The following ADGRG2 variants were observed in gnomAD, a reference collection of about 807,000 sequenced individuals.
ADGRG2 encodes the protein G protein-coupled receptor 64.
A neutral mutation model predicts 74.1 loss-of-function variants in ADGRG2; 26 were observed. The observed-to-expected ratio is 0.35, with a 90% CI of 0.26 to 0.49. ADGRG2 has a LOEUF of 0.49. Among genes scored for constraint, ADGRG2 ranks in the 20% least tolerant of loss-of-function variants. The probability of loss-of-function intolerance (pLI) is 0.99; values close to 1 mark genes in which losing one functional copy is unlikely to be tolerated. For missense variants in ADGRG2, 619 were observed against 763.1 expected, an observed-to-expected ratio of 0.81 and a Z score of 2.22; for synonymous variants, 296 against 295.2, an observed-to-expected ratio of 1.00 and a Z score of -0.03.
intron 2 of ADGRG2, among the ~76,000 whole-genome samples, chrX:19,075,521 G>A (rs1321804881): frequency 2.8e-5 from 3 of 107,112 alleles, no homozygotes. Context: ...TGGAGGCTGA[G>A]GCAGGAGAAT....
intron 1 of ADGRG2, among the ~76,000 whole-genome samples, chrX:19,089,900 C>A (rs2061989818): frequency 8.9e-6 from 1 of 111,986 alleles, no homozygotes; most frequent in African/African-American, 3.2e-5. Flanking sequence ...ATGGTTGTTG[C>A]TTTAAGCTGC....
rs769504730 is a variant in ADGRG2, at chrX:19,103,922, G to T, written c.-47+18520C>A. On this transcript the variant is annotated intron_variant, in intron 1 of 28. Transcript: ENST00000379869. ...AAATACAAGGTCTTGAGGGGAAAAG[G>T]CTGGGTCCTATCACACGTCTGAACA... is the stretch of plus-strand genomic sequence containing the variant. 1.1e-4 allele frequency among the ~76,000 whole-genome samples: 12 copies of T among 111,412 alleles called. 1 individual carries two copies. In the Admixed American group the frequency reaches 1.2e-3, roughly 11 times the overall value.
At chrX:19,009,179 TC>T in intron 18 of ADGRG2, among the ~76,000 whole-genome samples, 1 of 107,297 alleles carries the variant, frequency 9.3e-6, no homozygotes, top group Admixed American at 1.0e-4. Context: ...AAGACCAACG[TC>T]TTTTTTTTTT....
intron 13 of ADGRG2, among the ~76,000 whole-genome samples, chrX:19,021,677 G>A (rs946122126): frequency 1.8e-5 from 2 of 110,241 alleles, no homozygotes; most frequent in African/African-American, 3.3e-5. Context: ...ATGGAGTCTC[G>A]CTCTCTTGCC....
chrX:19,113,730 A>T (rs188012478), intron 1 of ADGRG2, among the ~76,000 whole-genome samples: 4,839 of 111,536 alleles, frequency 0.043, 242 homozygotes, highest in African/African-American at 0.15. Context: ...TGTACTTTTT[A>T]AAAAAAATGT....
At chrX:19,106,112 T>C (rs1037565173) in intron 1 of ADGRG2, among the ~76,000 whole-genome samples, 6 of 109,054 alleles carry the variant, frequency 5.5e-5, no homozygotes, top group Non-Finnish European at 9.5e-5. Flanking sequence ...GCAATGGGAG[T>C]TTAGTCCTTC....
chrX:18,996,142 T>C lies in ADGRG2; in HGVS notation c.2625A>G (p.Ile875Met). The C allele has an allele frequency of 9.0e-7, 1 of 1,105,872 alleles. No individual in the cohort carries two copies. Among genetic ancestry groups the C allele is most frequent in the East Asian group, 3.0e-5 (1 of 33,265 alleles). 91.1% of individuals were successfully genotyped at this position (1,105,872 alleles called of 1,213,427 possible). The stretch of plus-strand genomic sequence containing the variant: ...CTTTGGCCACACAGTAAAAGATGAA[T>C]ATGAAAAATCCTAAGGAGGGAAAAA... ...AIFNTLQGFFIFIFYCVAKEN... is the reference protein window; with the variant it reads ...AIFNTLQGFFMFIFYCVAKEN... The change falls in exon 27 of 29, where the codon ATA becomes ATG. Residue 875 changes from isoleucine (I) to methionine (M), a missense_variant. This residue lies in a region of ADGRG2 where 221 missense variants were observed against 340.6 expected (regional missense o/e 0.65). Transcript: ENST00000379869.
chrX:19,085,863 C>T (rs759466255), intron 1 of ADGRG2, among the ~76,000 whole-genome samples: 7 of 111,101 alleles, frequency 6.3e-5, no homozygotes, highest in Admixed American at 1.9e-4. Context: ...GGGAATGGGA[C>T]GGAAAGCCAT....
At chrX:19,097,739 G>A (rs1018641314) in intron 1 of ADGRG2, among the ~76,000 whole-genome samples, 2 of 111,366 alleles carry the variant, frequency 1.8e-5, no homozygotes, top group Non-Finnish European at 3.8e-5. Flanking sequence ...GAGGGTGAGC[G>A]TACTCTGCTG....
At chrX:19,097,698 G>A (rs2062120981) in intron 1 of ADGRG2, among the ~76,000 whole-genome samples, 2 of 111,087 alleles carry the variant, frequency 1.8e-5, no homozygotes, top group Admixed American at 9.6e-5. Context: ...TCCCCACCCC[G>A]GCCCCGGTGG....
At chrX:18,993,202 T>A (rs767475158) in intron 28 of ADGRG2, among the ~76,000 whole-genome samples, 3 of 111,472 alleles carry the variant, frequency 2.7e-5, no homozygotes, top group Non-Finnish European at 5.7e-5. Flanking sequence ...CCTGGGACAG[T>A]TGGCAGTGTC....
At chrX:19,079,755 G>A (rs1003731776) in intron 2 of ADGRG2, among the ~76,000 whole-genome samples, 16 of 111,777 alleles carry the variant, frequency 1.4e-4, no homozygotes, top group African/African-American at 5.2e-4. Flanking sequence ...CTTAATAAGC[G>A]GTAAGTGCTT....
chrX:19,031,367 T>G (rs1230731326), intron 8 of ADGRG2: 1 of 194,905 alleles, frequency 5.1e-6, no homozygotes, highest in Non-Finnish European at 9.4e-6. Flanking sequence ...AAGTAGAGAC[T>G]TTAAATGGAA....
At chrX:19,009,532 G>T in intron 18 of ADGRG2, 94 bp downstream of exon 18, 2 of 805,330 alleles carry the variant, frequency 2.5e-6, no homozygotes, top group South Asian at 2.1e-5. Flanking sequence ...TATCACCCCT[G>T]ACTATAAGCA....
chrX:19,046,742 A>G (rs968334171), intron 3 of ADGRG2, among the ~76,000 whole-genome samples: 3 of 111,898 alleles, frequency 2.7e-5, no homozygotes, highest in Admixed American at 9.5e-5. Context: ...CAGAGCCACA[A>G]GGCAGGAGTT....
rs1179437852 is a variant in ADGRG2 at position 18,989,569 on chromosome X, G to A, written c.*1295C>T. 9.0e-6 allele frequency: 1 copy of A among 111,671 alleles called. No individual in the cohort carries two copies. Among genetic ancestry groups the A allele is most frequent in the African/African-American group, 3.3e-5 (1 of 30,669 alleles). The allele number at this position is 111,671 out of a possible 1,213,427, so 9.2% of individuals were successfully genotyped here. A position where few individuals can be genotyped will look rare whatever the true frequency, so the allele number is the denominator to read the frequency against. On this transcript the variant is annotated 3_prime_UTR_variant, in exon 29 of 29. Coordinates refer to ENST00000379869, the MANE Select transcript of ADGRG2 (RefSeq NM_001079858.3). ...TACTTGAGGCACTGCTCAAGCAGATGTAGGTAGGAAGCAAGATAGACCCTG... is the reference window on the plus strand; with the variant it reads ...TACTTGAGGCACTGCTCAAGCAGATATAGGTAGGAAGCAAGATAGACCCTG...
At chrX:19,097,656 C>T (rs1234981214) in intron 1 of ADGRG2, among the ~76,000 whole-genome samples, 3 of 112,153 alleles carry the variant, frequency 2.7e-5, no homozygotes, top group Non-Finnish European at 3.8e-5. Flanking sequence ...TTCATTCTCT[C>T]GCAGCTGAGG....
At chrX:19,031,072 G>A in intron 8 of ADGRG2, 35 bp from the exon 9 acceptor site, 7 of 993,471 alleles carry the variant, frequency 7.0e-6, no homozygotes, top group Non-Finnish European at 8.6e-6. Flanking sequence ...GGTTAAGCAT[G>A]TCAATGCCCG....
intron 2 of ADGRG2, among the ~76,000 whole-genome samples, chrX:19,077,702 G>A (rs1301904874): frequency 9.0e-6 from 1 of 111,505 alleles, no homozygotes; most frequent in Non-Finnish European, 1.9e-5. Flanking sequence ...GATATGCTAT[G>A]CCCACACTAA....
Sources: gnomAD v4.1 joint callset for allele counts (sites outside exome capture counted in the v4.1 genomes callset) on GRCh38, gnomAD v4.1.1 for gene constraint, gnomAD v4.1.1 regional missense constraint, MANE v1.5 for transcripts, NCBI Gene and HGNC (gene_info 2026-07-23, HGNC 2026-07-21) for gene names.